The following PTPRJ variants were observed in gnomAD, a reference collection of about 807,000 sequenced individuals.
PTPRJ encodes protein tyrosine phosphatase receptor type J, also known as receptor-type tyrosine-protein phosphatase eta.
PTPRJ carries 129 observed loss-of-function variants against 141.3 expected under a neutral mutation model. That is an observed-to-expected ratio of 0.91 (90% confidence interval 0.79 to 1.06). The LOEUF is 1.06. Among genes scored for constraint, PTPRJ ranks in the 50% least tolerant of loss-of-function variants. The probability of loss-of-function intolerance (pLI) is 0.00; values close to 1 mark genes in which losing one functional copy is unlikely to be tolerated. For synonymous variants in PTPRJ, 610 were observed against 640.5 expected, an observed-to-expected ratio of 0.95 and a Z score of 0.72; for missense variants, 1,601 against 1,679.7, an observed-to-expected ratio of 0.95 and a Z score of 0.82.
chr11:48,006,502 G>A (rs749756499), intron 1 of PTPRJ, among the ~76,000 whole-genome samples: 1 of 152,114 alleles, frequency 6.6e-6, no homozygotes, highest in African/African-American at 2.4e-5. Context: ...CCACGTGGAG[G>A]CCAGTGAGCT....
chr11:48,053,019 C>T (rs919304780), intron 1 of PTPRJ, among the ~76,000 whole-genome samples: 15 of 145,910 alleles, frequency 1.0e-4, no homozygotes, highest in African/African-American at 3.6e-4. Flanking sequence ...CCCTTACTGT[C>T]ATGTGAGAAT....
In PTPRJ at chr11:48,037,822, A is replaced by G. The variant is rs1854165715; in HGVS notation, c.96+56814A>G. 2.0e-5 allele frequency among the ~76,000 whole-genome samples: 3 copies of G among 152,068 alleles called. No homozygotes were observed. The South Asian group carries it at 6.2e-4, about 32-fold the overall frequency. ...GAGCAAAACTCTGCCTCAAAAAAAA[A>G]GAAAAAAATATATTCCACACACCTA... is the stretch of plus-strand genomic sequence containing the variant. On this transcript the variant is annotated intron_variant, in intron 1 of 24. Transcript: ENST00000418331.
At chr11:48,131,324 C>G (rs1416958795) in intron 8 of PTPRJ, among the ~76,000 whole-genome samples, 1 of 152,064 alleles carries the variant, frequency 6.6e-6, no homozygotes, top group East Asian at 1.9e-4. Context: ...CTCAAATGAT[C>G]TGCCCACCTC....
At chr11:48,161,429 A>C (rs886268760) in intron 22 of PTPRJ, among the ~76,000 whole-genome samples, 7 of 152,094 alleles carry the variant, frequency 4.6e-5, no homozygotes, top group Admixed American at 4.6e-4. Flanking sequence ...TCCACAAGTC[A>C]TGGATAAAGT....
intron 8 of PTPRJ, among the ~76,000 whole-genome samples, chr11:48,131,083 T>A (rs1427075735): frequency 2.3e-4 from 30 of 130,118 alleles, no homozygotes; most frequent in African/African-American, 8.6e-4. Flanking sequence ...TTTTTTTTTT[T>A]TTTTTTTTTT....
At chr11:48,091,997 T>C (rs1469248398) in intron 1 of PTPRJ, among the ~76,000 whole-genome samples, 1 of 152,120 alleles carries the variant, frequency 6.6e-6, no homozygotes, top group African/African-American at 2.4e-5. Context: ...GGGTGCTGTT[T>C]AGAAATGCAG....
At chr11:48,004,929 A>G (rs1854584816) in intron 1 of PTPRJ, among the ~76,000 whole-genome samples, 1 of 152,142 alleles carries the variant, frequency 6.6e-6, no homozygotes, top group Admixed American at 6.5e-5. Flanking sequence ...TTTAGAAAGT[A>G]TACAGTTCAA....
At chr11:48,119,287 G>A (rs180778980) in intron 3 of PTPRJ, among the ~76,000 whole-genome samples, 272 of 152,296 alleles carry the variant, frequency 1.8e-3, no homozygotes, top group South Asian at 5.0e-3. Flanking sequence ...TTTATAAAGA[G>A]GAAATTCAAG....
chr11:48,052,764 T>A (rs1278079698), intron 1 of PTPRJ, among the ~76,000 whole-genome samples: 1 of 152,056 alleles, frequency 6.6e-6, no homozygotes, highest in Non-Finnish European at 1.5e-5. Context: ...TACATGTCCT[T>A]CATGCATCCC....
intron 4 of PTPRJ, among the ~76,000 whole-genome samples, chr11:48,121,847 A>G (rs1350194085): frequency 6.6e-6 from 1 of 152,116 alleles, no homozygotes; most frequent in Admixed American, 6.6e-5. Context: ...ACAGGTGGAG[A>G]AACTTTTTTA....
intron 1 of PTPRJ, among the ~76,000 whole-genome samples, chr11:48,023,130 C>T (rs1054492770): frequency 4.0e-5 from 6 of 150,524 alleles, no homozygotes; most frequent in African/African-American, 7.3e-5. Flanking sequence ...AGAGTGTAGA[C>T]GAGAGAGTAA....
chr11:48,159,123 G>C (rs1857693266), intron 21 of PTPRJ, among the ~76,000 whole-genome samples: 1 of 139,468 alleles, frequency 7.2e-6, no homozygotes, highest in Non-Finnish European at 1.5e-5. Context: ...TGTATGTGGG[G>C]TGTGTGTGTG....
At chr11:47,997,456 G>C (rs1219763406) in intron 1 of PTPRJ, among the ~76,000 whole-genome samples, 1 of 152,224 alleles carries the variant, frequency 6.6e-6, no homozygotes, top group African/African-American at 2.4e-5. Context: ...GGGCTCAAAA[G>C]AGGGTTCACA....
intron 1 of PTPRJ, among the ~76,000 whole-genome samples, chr11:48,034,251 A>G (rs1425883958): frequency 1.3e-5 from 2 of 152,222 alleles, no homozygotes; most frequent in East Asian, 3.8e-4. Context: ...AGCTAGAAAA[A>G]GAACAAGTGG....
chr11:48,099,825 G>T (rs1856108299), intron 1 of PTPRJ, among the ~76,000 whole-genome samples: 1 of 152,152 alleles, frequency 6.6e-6, no homozygotes, highest in South Asian at 2.1e-4. Flanking sequence ...TTGTATTTAG[G>T]TTATCATTGA....
chr11:48,049,125 G>GAA (rs1854485282), intron 1 of PTPRJ, among the ~76,000 whole-genome samples: 1 of 152,086 alleles, frequency 6.6e-6, no homozygotes, highest in Non-Finnish European at 1.5e-5. Context: ...CTGACGTTTG[G>GAA]AGTCTGATGA....
chr11:48,035,538 CTTTTTTTTTTTTTT>C (rs66504227), intron 1 of PTPRJ, among the ~76,000 whole-genome samples: 5 of 61,748 alleles, frequency 8.1e-5, no homozygotes, highest in South Asian at 8.7e-4. Context: ...CTTTCTTCTT[CTTTTTTTTTTTTTT>C]TTTTTTTTTT....
At chr11:48,082,632 T>TA (rs1855595268) in intron 1 of PTPRJ, among the ~76,000 whole-genome samples, 1 of 151,214 alleles carries the variant, frequency 6.6e-6, no homozygotes, top group African/African-American at 2.4e-5. Flanking sequence ...TTTTTTTTTT[T>TA]AATGGCGATG....
intron 11 of PTPRJ, 108 bp from the exon 12 acceptor site, chr11:48,142,811 A>G: frequency 7.4e-7 from 1 of 1,344,244 alleles, no homozygotes; most frequent in Non-Finnish European, 9.9e-7. Flanking sequence ...CCCAGCATGT[A>G]GCTTCCAGAG....
Sources: gnomAD v4.1 joint callset for allele counts (sites outside exome capture counted in the v4.1 genomes callset) on GRCh38, gnomAD v4.1.1 for gene constraint, MANE v1.5 for transcripts, NCBI Gene and HGNC (gene_info 2026-07-23, HGNC 2026-07-21) for gene names.